The following RAD51B variants were observed in gnomAD, a reference collection of about 807,000 sequenced individuals.
The protein encoded by RAD51B is RAD51 paralog B, also known as DNA repair protein RAD51 homolog 2.
In RAD51B, 38 loss-of-function variants were observed where a neutral mutation model predicts 42.2. That is an observed-to-expected ratio of 0.90 (90% CI 0.70 to 1.18). The LOEUF (loss-of-function observed/expected upper bound fraction) is 1.18. RAD51B is among the 50% of genes most tolerant of loss of function. RAD51B has a pLI of 0.00. For missense variants in RAD51B, 373 were observed against 400.7 expected, an observed-to-expected ratio of 0.93 and a Z score of 0.59; for synonymous variants, 154 against 145.2, an observed-to-expected ratio of 1.06 and a Z score of -0.43.
intron 7 of RAD51B, among the ~76,000 whole-genome samples, chr14:67,987,824 A>G (rs1044432165): frequency 2.0e-5 from 3 of 152,206 alleles, no homozygotes; most frequent in African/African-American, 4.8e-5. Flanking sequence ...GTCTGTGTGT[A>G]TGTTCCTGTG....
intron 2 of RAD51B, 80 bp from the exon 3 acceptor site, chr14:67,825,384 T>A: frequency 1.1e-6 from 1 of 882,434 alleles, no homozygotes. Flanking sequence ...ACATAAGCAG[T>A]ATCAATTGAA....
chr14:68,120,070 T>G (rs1405890221), intron 7 of RAD51B, among the ~76,000 whole-genome samples: 2 of 152,226 alleles, frequency 1.3e-5, no homozygotes, highest in African/African-American at 2.4e-5. Context: ...TGATGGCCAG[T>G]GATGGTGAGC....
At chr14:68,206,831 C>T (rs2140936573) in intron 7 of RAD51B, among the ~76,000 whole-genome samples, 1 of 150,802 alleles carries the variant, frequency 6.6e-6, no homozygotes, top group South Asian at 2.1e-4. Flanking sequence ...ACTCTGTCAC[C>T]CAGGCGGTTA....
At chr14:67,961,691 A>T (rs1408295714) in intron 7 of RAD51B, among the ~76,000 whole-genome samples, 1 of 152,162 alleles carries the variant, frequency 6.6e-6, no homozygotes, top group Non-Finnish European at 1.5e-5. Flanking sequence ...CCTTGCTTAG[A>T]CAAATCATTT....
At chr14:68,680,064 C>T (rs984088434) in intron 11 of RAD51B, among the ~76,000 whole-genome samples, 2 of 152,156 alleles carry the variant, frequency 1.3e-5, no homozygotes, top group East Asian at 1.9e-4. Flanking sequence ...ATCAGGTAAT[C>T]GTTTTCAAAA....
chr14:68,311,423 A>C (rs1025095332), intron 8 of RAD51B, among the ~76,000 whole-genome samples: 2 of 152,220 alleles, frequency 1.3e-5, no homozygotes, highest in African/African-American at 2.4e-5. Context: ...TCTTCTGAAG[A>C]GCTTGCATTC....
At chr14:67,896,944 A>G (rs1595076638) in intron 7 of RAD51B, among the ~76,000 whole-genome samples, 1 of 152,224 alleles carries the variant, frequency 6.6e-6, no homozygotes, top group Admixed American at 6.5e-5. Flanking sequence ...AAACCTGCGC[A>G]TGTGTGGTCA....
intron 7 of RAD51B, among the ~76,000 whole-genome samples, chr14:67,948,922 ACT>A (rs1309316824): frequency 1.7e-5 from 2 of 116,300 alleles, no homozygotes; most frequent in Non-Finnish European, 3.3e-5. Context: ...ACAGAGTGAG[ACT>A]CTGTCTCAAA....
intron 7 of RAD51B, among the ~76,000 whole-genome samples, chr14:68,106,447 G>T (rs537388304): frequency 1.3e-5 from 2 of 151,932 alleles, no homozygotes; most frequent in South Asian, 2.1e-4. Flanking sequence ...GTCAAACCTT[G>T]AACATTTTGC....
At chr14:67,853,309 C>G (rs1011871561) in intron 4 of RAD51B, among the ~76,000 whole-genome samples, 1 of 152,220 alleles carries the variant, frequency 6.6e-6, no homozygotes, top group Middle Eastern at 3.2e-3. Flanking sequence ...AGAACCTAGC[C>G]AACCCTATCT....
intron 10 of RAD51B, among the ~76,000 whole-genome samples, chr14:68,617,253 T>C (rs912853040): frequency 6.6e-6 from 1 of 152,228 alleles, no homozygotes; most frequent in Non-Finnish European, 1.5e-5. Flanking sequence ...AGATTATTCC[T>C]TTAGAGGCTT....
chr14:68,422,082 G>A (rs548719709), intron 9 of RAD51B: 2 of 1,515,532 alleles, frequency 1.3e-6, no homozygotes, highest in African/African-American at 2.7e-5. Context: ...CCAGTGCTCG[G>A]AGCACGAAAA....
chr14:68,241,306 G>C lies in RAD51B; in HGVS notation c.757-50578G>C, dbSNP rs1173984078. Among the ~76,000 whole-genome samples the C allele has an allele frequency of 3.3e-5, 5 of 152,310 alleles. No homozygotes were observed. In the East Asian group the frequency reaches 9.7e-4, roughly 29 times the overall value. On this transcript the variant is annotated intron_variant, in intron 7 of 10. Coordinates refer to ENST00000471583, the MANE Select transcript of RAD51B (RefSeq NM_133510.4). ...GCCTGTAATCCCAGCACTTCGGGAG[G>C]CCTAAGCAGGTGGATCACGAGGTCA...
chr14:68,087,028 G>C (rs1173492372), intron 7 of RAD51B, among the ~76,000 whole-genome samples: 11 of 151,934 alleles, frequency 7.2e-5, no homozygotes, highest in African/African-American at 2.4e-4. Flanking sequence ...TCAGCTACTC[G>C]GGAGGCTGAG....
chr14:68,456,742 G>A (rs1288281636), intron 9 of RAD51B, among the ~76,000 whole-genome samples: 1 of 151,920 alleles, frequency 6.6e-6, no homozygotes, highest in African/African-American at 2.4e-5. Context: ...GACCTCAAAG[G>A]CATCTATAGA....
intron 7 of RAD51B, chr14:67,887,413 T>C: frequency 2.4e-6 from 1 of 416,666 alleles, no homozygotes; most frequent in Middle Eastern, 6.9e-4. Flanking sequence ...TTTTAATAAT[T>C]TGAGTCTGGA....
At chr14:67,855,188 G>A (rs986551917) in intron 4 of RAD51B, among the ~76,000 whole-genome samples, 1 of 151,490 alleles carries the variant, frequency 6.6e-6, no homozygotes, top group African/African-American at 2.4e-5. Flanking sequence ...ATGAACCACC[G>A]CGCCTGGCCA....
At chr14:68,602,053 G>A (rs1027541590) in intron 10 of RAD51B, among the ~76,000 whole-genome samples, 2 of 152,112 alleles carry the variant, frequency 1.3e-5, no homozygotes, top group Non-Finnish European at 2.9e-5. Flanking sequence ...TCCCTGGGCA[G>A]AAATGGGATG....
rs1284677783 is a variant in RAD51B at position 68,565,854 on chromosome 14, G to T, written c.1037-28631G>T. 6.6e-6 allele frequency among the ~76,000 whole-genome samples: 1 copy of T among 152,192 alleles called. No individual in the cohort carries two copies. The highest frequency in any genetic ancestry group is 1.5e-5 in the Non-Finnish European group (1 of 68,036). ...TCCATCCAGTTCTCCCAGTGCAACT[G>T]GGGAGGGTATCTGGATCTTTTCCCT... On this transcript the variant is annotated intron_variant, in intron 10 of 10. Transcript: ENST00000487270. This position sits in a 1 kb window ranked among gnomAD's most constrained non-coding sequence, Gnocchi z 4.1.
Sources: gnomAD v4.1 joint callset for allele counts (sites outside exome capture counted in the v4.1 genomes callset) on GRCh38, gnomAD v4.1.1 for gene constraint, Gnocchi (gnomAD v3.1) non-coding constraint, MANE v1.5 for transcripts, NCBI Gene and HGNC (gene_info 2026-07-23, HGNC 2026-07-21) for gene names.